NCLN: variants seen among roughly 807,000 people sequenced by gnomAD.
The protein encoded by NCLN is nicalin, also known as BOS complex subunit NCLN.
In NCLN, 34 loss-of-function variants were observed where a neutral mutation model predicts 69.5. That is an observed-to-expected ratio of 0.49 (90% CI 0.37 to 0.65). The LOEUF is 0.65. Ranked by LOEUF, NCLN falls within the 30% of genes least tolerant of loss-of-function variation. The pLI is 0.00. For synonymous variants in NCLN, 393 were observed against 358.3 expected, an observed-to-expected ratio of 1.10 and a Z score of -1.09; for missense variants, 710 against 804.8, an observed-to-expected ratio of 0.88 and a Z score of 1.42.
At chr19:3,192,262 A>T (rs1915843720) in intron 1 of NCLN, among the ~76,000 whole-genome samples, 1 of 151,590 alleles carries the variant, frequency 6.6e-6, no homozygotes, top group South Asian at 2.1e-4. Context: ...GCCTGTGGGC[A>T]TGGACCCGGC....
At chr19:3,189,097 C>T (rs1328634917) in intron 1 of NCLN, among the ~76,000 whole-genome samples, 1 of 152,224 alleles carries the variant, frequency 6.6e-6, no homozygotes, top group East Asian at 1.9e-4. Context: ...CAGGGCGGGG[C>T]GGTGCCCTTT....
intron 4 of NCLN, among the ~76,000 whole-genome samples, chr19:3,198,558 T>G (rs565367623): frequency 6.7e-6 from 1 of 149,022 alleles, no homozygotes; most frequent in Non-Finnish European, 1.5e-5. Context: ...TCTCCTGCTC[T>G]CCCCGATTTT....
At chr19:3,203,147 A>T (rs987621089) in intron 6 of NCLN, among the ~76,000 whole-genome samples, 2 of 151,988 alleles carry the variant, frequency 1.3e-5, no homozygotes, top group African/African-American at 2.4e-5. Flanking sequence ...TGTCTCTACT[A>T]AAAATACAAA....
rs1307839498 is a variant in NCLN, at chr19:3,209,416, C to T, written c.*1728C>T. On this transcript the variant is annotated 3_prime_UTR_variant, in exon 15 of 15. Coordinates refer to ENST00000246117, the MANE Select transcript of NCLN (RefSeq NM_020170.4). ...GTGCTTGCATGCTAGCCAGCAGGCT[C>T]CTGTCTGGGTGCCACGGGGCCAGCA... is the stretch of plus-strand genomic sequence containing the variant. 1 of 152,300 alleles carries T rather than the reference C, an allele frequency of 6.6e-6. No individual in the cohort carries two copies. The highest frequency in any genetic ancestry group is 1.5e-5 in the Non-Finnish European group (1 of 68,088). The allele number at this position is 152,300 out of a possible 1,614,324, so 9.4% of individuals were successfully genotyped here. A position where few individuals can be genotyped will look rare whatever the true frequency, so the allele number is the denominator to read the frequency against.
At chr19:3,195,285 T>G (rs1189889326) in intron 3 of NCLN, among the ~76,000 whole-genome samples, 1 of 152,012 alleles carries the variant, frequency 6.6e-6, no homozygotes, top group African/African-American at 2.4e-5. Flanking sequence ...AGTCTCGTTC[T>G]GTCACCCAGA....
Position 3,191,285 on chromosome 19 carries a change from G to A in NCLN, c.185-1185G>A, listed in dbSNP as rs116295209. 2.2e-3 allele frequency among the ~76,000 whole-genome samples: 330 copies of A among 152,248 alleles called. 1 individual carries two copies. The highest frequency in any genetic ancestry group is 7.2e-3 in the African/African-American group (300 of 41,538). The stretch of plus-strand genomic sequence containing the variant: ...GTCCCAGGAAGCAAAAGGCAGCGGC[G>A]AAACCAGAAGCCCTGGCGAGTTTCC... On this transcript the variant is annotated intron_variant, in intron 1 of 14. Coordinates refer to ENST00000246117, the MANE Select transcript of NCLN (RefSeq NM_020170.4).
In NCLN at chr19:3,189,408, C is replaced by T. The variant is rs188756661; in HGVS notation, c.185-3062C>T. Among the ~76,000 whole-genome samples the T allele has an allele frequency of 7.2e-5, 11 of 152,350 alleles. No homozygotes were observed. In the East Asian group the frequency reaches 2.1e-3, roughly 29 times the overall value. On this transcript the variant is annotated intron_variant, in intron 1 of 14. Transcript: ENST00000246117. Reference sequence around the variant, plus strand: ...TGTTGTTAATAAAGTTTTATCGGCACGCGGTCATGCCCATCCATTGGCATC... The same window carrying T: ...TGTTGTTAATAAAGTTTTATCGGCATGCGGTCATGCCCATCCATTGGCATC...
intron 5 of NCLN, among the ~76,000 whole-genome samples, chr19:3,200,125 C>T (rs547773590): frequency 8.5e-5 from 13 of 152,060 alleles, no homozygotes; most frequent in Admixed American, 1.3e-4. Context: ...TGCCTGGTCC[C>T]GCTGGGCCCA....
In NCLN at chr19:3,203,953, G is replaced by A. The variant is rs375583310; in HGVS notation, c.890-52G>A. ...AGCCAGGAGGCACAGAGGGAGGGCC[G>A]GGGGCCACTTCCTGGTCCCCACCCA... On this transcript the variant is annotated intron_variant, in intron 7 of 14. Transcript: ENST00000246117. The A allele has an allele frequency of 6.3e-5, 98 of 1,543,868 alleles. 1 individual carries two copies. The African/African-American group carries it at 6.7e-4, about 11-fold the overall frequency.
chr19:3,206,443 C>A lies in NCLN; in HGVS notation c.1499+18C>A. On this transcript the variant is annotated intron_variant, in intron 12 of 14. Transcript: ENST00000246117. The stretch of plus-strand genomic sequence containing the variant: ...GACAAGCGGTGAGGCTGGGGCTCCG[C>A]GCTGGCCCCGTTCAGCCTGGGGCCG... 1.9e-6 allele frequency: 3 copies of A among 1,540,752 alleles called. No individual in the cohort carries two copies. In the South Asian group the frequency reaches 3.6e-5, roughly 19 times the overall value.
At chr19:3,201,740 G>T in intron 6 of NCLN, 114 bp downstream of exon 6, 2 of 889,258 alleles carry the variant, frequency 2.2e-6, no homozygotes, top group Middle Eastern at 3.5e-4. Context: ...CCCAAAGTGG[G>T]CCTGAGCCCA....
intron 4 of NCLN, among the ~76,000 whole-genome samples, chr19:3,197,869 C>T (rs1916009394): frequency 6.6e-6 from 1 of 152,202 alleles, no homozygotes; most frequent in Admixed American, 6.5e-5. Flanking sequence ...GATCTACCCG[C>T]CTTGGCCTCC....
chr19:3,188,332 T>C (rs1915723628), intron 1 of NCLN, among the ~76,000 whole-genome samples: 1 of 152,102 alleles, frequency 6.6e-6, no homozygotes, highest in Non-Finnish European at 1.5e-5. Context: ...GTGGGCCCCC[T>C]TTCTCTCCCC....
Position 3,201,558 on chromosome 19 carries a change from C to T in NCLN, c.732C>T (p.Gly244=), listed in dbSNP as rs766962836. 8.9e-6 allele frequency: 14 copies of T among 1,567,186 alleles called. No individual in the cohort carries two copies. Among genetic ancestry groups the T allele is most frequent in the African/African-American group, 2.7e-5 (2 of 74,422 alleles). ...LSLGADSNGS[G]VSVLLELARL... is the part of the protein sequence containing the mutation. ...TGGGCGCGGACTCCAACGGGAGCGG[C>T]GTCTCTGTGCTGCTGGAGCTGGCAC... is the stretch of plus-strand genomic sequence containing the variant. Residue 244 remains glycine, a synonymous_variant, in exon 6 of 15, where the codon GGC becomes GGT. Transcript: ENST00000246117.
intron 5 of NCLN, among the ~76,000 whole-genome samples, chr19:3,199,740 C>T (rs1916075519): frequency 7.6e-6 from 1 of 132,236 alleles, no homozygotes; most frequent in Non-Finnish European, 1.5e-5. Context: ...TTGCTCTGTC[C>T]CCCAGGCTGG....
Position 3,207,668 on chromosome 19 carries a change from G to C in NCLN, c.1672G>C (p.Val558Leu), listed in dbSNP as rs144584009. ...LLYKTVQRLL[V>L]KAKTQ ...CTACAAGACCGTCCAGAGGCTGCTC[G>C]TGAAGGCCAAGACACAGTGACACAG... The change falls in exon 15 of 15, where the codon GTG becomes CTG. Residue 558 changes from valine to leucine, a missense_variant. Physicochemically the swap from Val to Leu is conservative, Grantham distance 32. Transcript: ENST00000246117. The C allele has an allele frequency of 1.3e-4, 211 of 1,612,754 alleles. No individual in the cohort carries two copies. In the African/African-American group the frequency reaches 2.6e-3, roughly 20 times the overall value.
Position 3,186,123 on chromosome 19 carries a change from G to A in NCLN, c.93G>A (p.Leu31=). The A allele has an allele frequency of 6.3e-7, 1 of 1,597,894 alleles. No homozygotes were observed. The highest frequency in any genetic ancestry group is 8.5e-7 in the Non-Finnish European group (1 of 1,174,374). ...GFIVFLPAVL[L]LVAPPLPAAD... ...TCGTCTTCCTGCCCGCTGTGCTGCT[G>A]CTGGTGGCGCCGCCGCTGCCTGCCG... Residue 31 remains leucine, a synonymous_variant, in exon 1 of 15, where the codon CTG becomes CTA. Coordinates refer to ENST00000246117, the MANE Select transcript of NCLN (RefSeq NM_020170.4).
Position 3,186,145 on chromosome 19 carries a change from G to T in NCLN, c.115G>T (p.Ala39Ser), listed in dbSNP as rs750446211. The T allele has an allele frequency of 1.3e-6, 2 of 1,596,082 alleles. No homozygotes were observed. The highest frequency in any genetic ancestry group is 1.7e-6 in the Non-Finnish European group (2 of 1,173,640). ...VLLLVAPPLP[A>S]ADAAHEFTVY... ...GCTGCTGGTGGCGCCGCCGCTGCCT[G>T]CCGCCGACGCCGCGCACGAGTTCAC... is the stretch of plus-strand genomic sequence containing the variant. Residue 39 changes from alanine (A) to serine (S), a missense_variant, in exon 1 of 15, where the codon GCC becomes TCC. Ala to Ser is a moderately conservative substitution (Grantham distance 99). Transcript: ENST00000246117.
chr19:3,204,714 C>A lies in NCLN; in HGVS notation c.1171C>A (p.His391Asn). 6.3e-7 allele frequency: 1 copy of A among 1,585,440 alleles called. No homozygotes were observed. Among genetic ancestry groups the A allele is most frequent in the Non-Finnish European group, 8.6e-7 (1 of 1,164,980 alleles). The change falls in exon 9 of 15, where the codon CAC becomes AAC. Residue 391 changes from histidine to asparagine, a missense_variant. His to Asn is a moderately conservative substitution (Grantham distance 68). Coordinates refer to ENST00000246117, the MANE Select transcript of NCLN (RefSeq NM_020170.4). ...CTTCACGCTGTCCCACCTGGAGAGCCACCGTGACGGCCAGCGCAGCAGCAT... is the reference window on the plus strand; with the variant it reads ...CTTCACGCTGTCCCACCTGGAGAGCAACCGTGACGGCCAGCGCAGCAGCAT... ...PAFTLSHLES[H>N]RDGQRSSIMD...
Sources: gnomAD v4.1 joint callset for allele counts (sites outside exome capture counted in the v4.1 genomes callset) on GRCh38, gnomAD v4.1.1 for gene constraint, MANE v1.5 for transcripts, NCBI Gene and HGNC (gene_info 2026-07-23, HGNC 2026-07-21) for gene names.